The following DDR1 variants were observed in gnomAD, a reference collection of about 807,000 sequenced individuals.
DDR1 encodes the protein discoidin domain receptor tyrosine kinase 1, also known as epithelial discoidin domain-containing receptor 1.
DDR1 carries 64 observed loss-of-function variants against 97.4 expected under a neutral mutation model. That is an observed-to-expected ratio of 0.66 (90% CI 0.54 to 0.81). The LOEUF (loss-of-function observed/expected upper bound fraction) is 0.81. DDR1 is among the 30% of genes least tolerant of loss of function. DDR1 has a pLI of 0.00. For missense variants in DDR1, 990 were observed against 1,259.6 expected (o/e 0.79, Z 3.24); for synonymous variants, 458 against 503.7 (o/e 0.91, Z 1.21).
At chr6:30,883,953 G>A, upstream of DDR1, 1 of 152,896 alleles carries the variant, frequency 6.5e-6, no homozygotes, top group Non-Finnish European at 1.5e-5. This position sits in a 1 kb window ranked among gnomAD's most constrained non-coding sequence, Gnocchi z 4.9. Flanking sequence ...CCTGAGCTCT[G>A]CTCCCTTCTC....
Position 30,892,309 on chromosome 6 carries a change from A to C in DDR1, c.866A>C (p.Asn289Thr). 5 of 1,574,250 alleles carry C rather than the reference A, an allele frequency of 3.2e-6. No homozygotes were observed. The highest frequency in any genetic ancestry group is 1.2e-5 in the South Asian group (1 of 85,468). Residue 289 changes from asparagine (N) to threonine (T), a missense_variant, in exon 8 of 18, where the codon AAC becomes ACC. Asn to Thr is a moderately conservative substitution (Grantham distance 65). Coordinates refer to ENST00000376568, the MANE Select transcript of DDR1 (RefSeq NM_001297654.2). Reference protein sequence around the residue: ...AFQAMQVHCNNMHTLGARLPG... With the variant: ...AFQAMQVHCNTMHTLGARLPG... ...CCTTCCCCCCAGGTCCACTGTAACA[A>C]CATGCACACGCTGGGAGCCCGTCTG... is the stretch of plus-strand genomic sequence containing the variant.
In DDR1 at chr6:30,891,334, A is replaced by G. The variant is rs1470958093; in HGVS notation, c.566-46A>G. ...CCCAGGCCTGATGCAGGGATGGGGG[A>G]TGGAGCCTTAGTGCCTCTGACCCCC... On this transcript the variant is annotated intron_variant, in intron 5 of 17. Transcript: ENST00000376568. This position sits in a 1 kb window ranked among gnomAD's most constrained non-coding sequence, Gnocchi z 5.3. The G allele has an allele frequency of 6.6e-6, 10 of 1,512,114 alleles. No homozygotes were observed. Among genetic ancestry groups the G allele is most frequent in the African/African-American group, 2.7e-5 (2 of 72,954 alleles). 93.7% of individuals were successfully genotyped at this position (1,512,114 alleles called of 1,614,324 possible). A position where few individuals can be genotyped will look rare whatever the true frequency, so the allele number is the denominator to read the frequency against.
At position 30,893,104 on chromosome 6, in the gene DDR1, C is replaced by T; in HGVS notation, c.1136C>T (p.Thr379Ile). The change falls in exon 9 of 18, where the codon ACC becomes ATC. Residue 379 changes from threonine to isoleucine, a missense_variant. Transcript: ENST00000376568. ...VNNSSPALGG[T>I]FPPAPWWPPG... is the part of the protein sequence containing the mutation. ...AATTCCTCTCCGGCACTGGGAGGCA[C>T]CTTCCCGCCAGCCCCCTGGTGGCCG... 6.2e-7 allele frequency: 1 copy of T among 1,612,248 alleles called. No homozygotes were observed. The highest frequency in any genetic ancestry group is 8.5e-7 in the Non-Finnish European group (1 of 1,179,960).
Position 30,885,919 on chromosome 6 carries a change from C to T in DDR1, c.-43+1209C>T, listed in dbSNP as rs1785627830. ...GCGTGAAGGGCTTGAGGCAGGGTGGCCTGGCCCCTGGTTTGTCTTTGGTTG... is the reference window on the plus strand; with the variant it reads ...GCGTGAAGGGCTTGAGGCAGGGTGGTCTGGCCCCTGGTTTGTCTTTGGTTG... On this transcript the variant is annotated intron_variant, in intron 1 of 17. Coordinates refer to ENST00000376568, the MANE Select transcript of DDR1 (RefSeq NM_001297654.2). 5.6e-6 allele frequency: 5 copies of T among 894,960 alleles called. No individual in the cohort carries two copies. In the South Asian group the frequency reaches 6.9e-5, roughly 12 times the overall value. The allele number at this position is 894,960 out of a possible 1,614,324, so 55.4% of individuals were successfully genotyped here.
In DDR1 at chr6:30,894,166, G is replaced by A. The variant is rs1309396638; in HGVS notation, c.1348-340G>A. 6.6e-6 allele frequency among the ~76,000 whole-genome samples: 1 copy of A among 152,048 alleles called. No individual in the cohort carries two copies. Among genetic ancestry groups the A allele is most frequent in the Non-Finnish European group, 1.5e-5 (1 of 67,998 alleles). ...CAGGAGGCTGAGGCATGAATCTCTTGAACCTGGGAGGCGAAGGTTGCAGTG... is the reference window on the plus strand; with the variant it reads ...CAGGAGGCTGAGGCATGAATCTCTTAAACCTGGGAGGCGAAGGTTGCAGTG... On this transcript the variant is annotated intron_variant, in intron 10 of 17. Transcript: ENST00000376568. The surrounding 1 kb of genome is among the most constrained non-coding windows in gnomAD (Gnocchi z 5.7).
rs754991222 is a variant in DDR1 at position 30,893,072 on chromosome 6, G to C, written c.1104G>C (p.Val368=). The part of the protein sequence containing the change: ...LFSEISFISD[V]VNNSSPALGG... ...CTTTTTGTTCCTTCTCCCCAGATGTGGTGAACAATTCCTCTCCGGCACTGG... is the reference window on the plus strand; with the variant it reads ...CTTTTTGTTCCTTCTCCCCAGATGTCGTGAACAATTCCTCTCCGGCACTGG... The change falls in exon 9 of 18, where the codon GTG becomes GTC. Residue 368 remains valine, a synonymous_variant. Coordinates refer to ENST00000376568, the MANE Select transcript of DDR1 (RefSeq NM_001297654.2). 2.5e-6 allele frequency: 4 copies of C among 1,612,276 alleles called. No homozygotes were observed. The East Asian group carries it at 8.9e-5, about 36-fold the overall frequency.
chr6:30,898,613 G>T (rs1164473327), intron 16 of DDR1, among the ~76,000 whole-genome samples: 1 of 152,154 alleles, frequency 6.6e-6, no homozygotes, highest in Non-Finnish European at 1.5e-5. Flanking sequence ...CGAAGGTCAG[G>T]ACCAGAAAGT....
Position 30,897,682 on chromosome 6 carries a change from A to G in DDR1, c.2216+85A>G. 8.6e-7 allele frequency: 1 copy of G among 1,162,048 alleles called. No individual in the cohort carries two copies. The highest frequency in any genetic ancestry group is 1.2e-6 in the Non-Finnish European group (1 of 820,416). 72.0% of individuals were successfully genotyped at this position (1,162,048 alleles called of 1,614,324 possible). ...CCCTCGCTTCAGCCTGGAGGAAAAG[A>G]GGGGAGCGTGGGGGTGGGAAGGGAG... On this transcript the variant is annotated intron_variant, in intron 15 of 17. Coordinates refer to ENST00000376568, the MANE Select transcript of DDR1 (RefSeq NM_001297654.2). This position sits in a 1 kb window ranked among gnomAD's most constrained non-coding sequence, Gnocchi z 5.2.
chr6:30,883,979 A>AGCTGG (rs1784791036), upstream of DDR1: 1 of 152,860 alleles, frequency 6.5e-6, no homozygotes, highest in Non-Finnish European at 1.5e-5. The surrounding 1 kb of genome is among the most constrained non-coding windows in gnomAD (Gnocchi z 4.9). Flanking sequence ...TAACTCCCGC[A>AGCTGG]GCTGGGCTGG....
chr6:30,892,069 C>T lies in DDR1; in HGVS notation c.733C>T (p.Gln245Ter). 5 of 1,614,136 alleles carry T rather than the reference C, an allele frequency of 3.1e-6. No individual in the cohort carries two copies. The highest frequency in any genetic ancestry group is 4.2e-6 in the Non-Finnish European group (5 of 1,180,006). The change falls in exon 7 of 18, where the codon CAG becomes TAG. Residue 245 changes from glutamine (Q) to a stop codon, truncating the protein, a stop_gained. Coordinates refer to ENST00000376568, the MANE Select transcript of DDR1 (RefSeq NM_001297654.2). LOFTEE classifies it high-confidence loss of function. ...GGGGCTGGATGACTTTAGGAAGAGT[C>T]AGGAGCTGCGGGTCTGGCCAGGCTA... ...VVGLDDFRKS[Q>*]ELRVWPGYDY...
Position 30,889,396 on chromosome 6 carries a change from G to A in DDR1, c.383G>A (p.Arg128His), listed in dbSNP as rs981246535. 14 of 1,580,320 alleles carry A rather than the reference G, an allele frequency of 8.9e-6. No homozygotes were observed. Among genetic ancestry groups the A allele is most frequent in the South Asian group, 7.1e-5 (6 of 84,980 alleles). ...CTGCGTTACTCCCGGGATGGTCGCC[G>A]CTGGATGGGCTGGAAGGACCGCTGG... ...YRLRYSRDGR[R>H]WMGWKDRWGQ... Residue 128 changes from arginine (R) to histidine (H), a missense_variant, in exon 4 of 18, where the codon CGC becomes CAC. By Grantham distance (29) the Arg-to-His change is conservative. Coordinates refer to ENST00000376568, the MANE Select transcript of DDR1 (RefSeq NM_001297654.2). This position sits in a 1 kb window ranked among gnomAD's most constrained non-coding sequence, Gnocchi z 4.9.
At chr6:30,893,644 A>G (rs1789521892) in intron 10 of DDR1, among the ~76,000 whole-genome samples, 1 of 152,232 alleles carries the variant, frequency 6.6e-6, no homozygotes, top group South Asian at 2.1e-4. Flanking sequence ...CACGACCCAG[A>G]GGAGAGAGCC....
chr6:30,897,435 T>C lies in DDR1; in HGVS notation c.2054T>C (p.Ile685Thr), dbSNP rs777845365. The change falls in exon 15 of 18, where the codon ATT (isoleucine) becomes ACT (threonine). Residue 685 changes from isoleucine (I) to threonine (T), a missense_variant. Transcript: ENST00000376568. The surrounding 1 kb of genome is among the most constrained non-coding windows in gnomAD (Gnocchi z 5.2). ...TCGAGGCTCAAGGACCCAAACATCA[T>C]TCGGCTGCTGGGCGTGTGTGTGCAG... ...IMSRLKDPNI[I>T]RLLGVCVQDD... 12 of 1,614,036 alleles carry C rather than the reference T, an allele frequency of 7.4e-6. No individual in the cohort carries two copies. The Admixed American group carries it at 1.5e-4, about 20-fold the overall frequency.
intron 16 of DDR1, among the ~76,000 whole-genome samples, chr6:30,898,565 C>T (rs2524236): frequency 6.6e-6 from 1 of 151,804 alleles, no homozygotes; most frequent in African/African-American, 2.4e-5. Context: ...TGAGGTTGGG[C>T]GAGGAAGCTG....
chr6:30,896,793 G>A lies in DDR1; in HGVS notation c.1797G>A (p.Gly599=), dbSNP rs1408822294. 1 of 1,586,058 alleles carries A rather than the reference G, an allele frequency of 6.3e-7. No individual in the cohort carries two copies. Among genetic ancestry groups the A allele is most frequent in the Admixed American group, 1.8e-5 (1 of 56,824 alleles). ...TGCCCCCAGGGGCAGTCGGGGATGG[G>A]CCCCCCAGAGTGGATTTCCCTCGAT... ...PALPPGAVGD[G]PPRVDFPRSR... is the part of the protein sequence containing the mutation. Residue 599 remains glycine (G), a synonymous_variant, in exon 13 of 18, where the codon GGG becomes GGA. Coordinates refer to ENST00000376568, the MANE Select transcript of DDR1 (RefSeq NM_001297654.2).
upstream of DDR1, chr6:30,884,141 T>C (rs1262843422): frequency 6.6e-6 from 1 of 151,808 alleles, no homozygotes; most frequent in African/African-American, 2.4e-5. This position sits in a 1 kb window ranked among gnomAD's most constrained non-coding sequence, Gnocchi z 6.1. Context: ...GCGCCAGCTT[T>C]GGAGGTTCTC....
In DDR1 at chr6:30,889,088, G is replaced by A; in HGVS notation, c.188+78G>A. ...CCTCTACTTCCCCTCCAACCCCTCT[G>A]CCCATGCCAGTGAAACCCCTGCAGG... On this transcript the variant is annotated intron_variant, in intron 3 of 17. Transcript: ENST00000376568. This position sits in a 1 kb window ranked among gnomAD's most constrained non-coding sequence, Gnocchi z 4.9. 1 of 1,585,200 alleles carries A rather than the reference G, an allele frequency of 6.3e-7. No homozygotes were observed. Among genetic ancestry groups the A allele is most frequent in the Non-Finnish European group, 8.7e-7 (1 of 1,155,958 alleles).
Position 30,897,316 on chromosome 6 carries a change from G to A in DDR1, c.1998-63G>A, listed in dbSNP as rs1365048998. ...GCCTGAGGTGGGGCAGGGGGGTGGGGGCGCGGGGGAAGGTGCAGGCCGCCC... is the reference window on the plus strand; with the variant it reads ...GCCTGAGGTGGGGCAGGGGGGTGGGAGCGCGGGGGAAGGTGCAGGCCGCCC... On this transcript the variant is annotated intron_variant, in intron 14 of 17. Transcript: ENST00000376568. The surrounding 1 kb of genome is among the most constrained non-coding windows in gnomAD (Gnocchi z 5.2). 7 of 1,500,250 alleles carry A rather than the reference G, an allele frequency of 4.7e-6. No individual in the cohort carries two copies. The highest frequency in any genetic ancestry group is 5.4e-6 in the Non-Finnish European group (6 of 1,106,868). The allele number at this position is 1,500,250 out of a possible 1,614,324, so 92.9% of individuals were successfully genotyped here.
intron 12 of DDR1, 49 bp from the exon 13 acceptor site, chr6:30,896,572 G>A (rs1790846357): frequency 1.3e-6 from 2 of 1,582,380 alleles, no homozygotes; most frequent in Non-Finnish European, 1.7e-6. Flanking sequence ...TATAGCTCTT[G>A]GGCTGTTCCT....
Sources: gnomAD v4.1 joint callset for allele counts (sites outside exome capture counted in the v4.1 genomes callset) on GRCh38, gnomAD v4.1.1 for gene constraint, Gnocchi (gnomAD v3.1) non-coding constraint, MANE v1.5 for transcripts, NCBI Gene and HGNC (gene_info 2026-07-23, HGNC 2026-07-21) for gene names.